Variants in RAB27B observed in about 807,000 individuals in gnomAD.
RAB27B encodes the protein ras-related protein Rab-27B.
A neutral mutation model predicts 24.6 loss-of-function variants in RAB27B; 15 were observed. The observed-to-expected ratio is 0.61, with a 90% confidence interval of 0.41 to 0.94. The LOEUF (loss-of-function observed/expected upper bound fraction) is 0.94, where lower values mean the gene tolerates loss of function less well. Ranked by LOEUF, RAB27B falls within the 40% of genes least tolerant of loss-of-function variation. RAB27B has a pLI of 0.00. For missense variants in RAB27B, 261 were observed against 266.8 expected (o/e 0.98, Z 0.15); for synonymous variants, 105 against 92.5 (o/e 1.14, Z -0.78).
rs1568118786 is a variant in RAB27B at position 54,889,784 on chromosome 18, C to G, written c.*371C>G. 6.3e-6 allele frequency: 1 copy of G among 157,632 alleles called. No homozygotes were observed. Among genetic ancestry groups the G allele is most frequent in the Non-Finnish European group, 1.4e-5 (1 of 71,796 alleles). The allele number at this position is 157,632 out of a possible 1,614,324, so 9.8% of individuals were successfully genotyped here. A position where few individuals can be genotyped will look rare whatever the true frequency, so the allele number is the denominator to read the frequency against. On this transcript the variant is annotated 3_prime_UTR_variant, in exon 6 of 6. Transcript: ENST00000262094. Reference sequence around the variant, plus strand: ...AAGGGTAGGCACTAAAGGGAGAACACAGAAAGAAGAATTTCTAAAATATTG... The same window carrying G: ...AAGGGTAGGCACTAAAGGGAGAACAGAGAAAGAAGAATTTCTAAAATATTG...
intron 2 of RAB27B, among the ~76,000 whole-genome samples, chr18:54,769,454 T>A (rs1426067703): frequency 2.3e-5 from 1 of 43,916 alleles, no homozygotes; most frequent in Non-Finnish European, 9.1e-5. Context: ...ATCTTGTTTT[T>A]TTGTTGTTGT....
At chr18:54,723,980 A>G (rs1392527616) in intron 2 of RAB27B, among the ~76,000 whole-genome samples, 1 of 152,204 alleles carries the variant, frequency 6.6e-6, no homozygotes. Context: ...CAACTGTTGG[A>G]TGGCGCCAGA....
chr18:54,859,493 A>G (rs544815848), intron 1 of RAB27B, among the ~76,000 whole-genome samples: 2 of 152,304 alleles, frequency 1.3e-5, no homozygotes, highest in Non-Finnish European at 2.9e-5. Context: ...AACCAAAAAA[A>G]AAAAAAAATC....
intron 1 of RAB27B, among the ~76,000 whole-genome samples, chr18:54,876,776 G>A (rs141994865): frequency 2.0e-5 from 3 of 152,206 alleles, no homozygotes; most frequent in African/African-American, 7.2e-5. Context: ...TTATCCCTCT[G>A]CTTTTTTATT....
At chr18:54,880,498 T>C (rs1309381261) in intron 3 of RAB27B, 2 of 152,196 alleles carry the variant, frequency 1.3e-5, no homozygotes, top group Non-Finnish European at 2.9e-5. Flanking sequence ...ATCTTTGAAA[T>C]GCATCCAAAG....
chr18:54,726,307 C>T lies in RAB27B; in HGVS notation c.-20+8166C>T, dbSNP rs75285699. On this transcript the variant is annotated intron_variant, in intron 2 of 4. Coordinates refer to the RAB27B transcript ENST00000586570. ...GGTGATACTGCCATTAAACTGATGA[C>T]GACAACATTAAGAAAAAGTGGTTGG... Among the ~76,000 whole-genome samples, 716 of 151,450 alleles carry T rather than the reference C, an allele frequency of 4.7e-3. 15 individuals carry two copies. The highest frequency in any genetic ancestry group is 0.016 in the African/African-American group (669 of 41,382).
rs149031259 is a variant in RAB27B, at chr18:54,884,384, A to G, written c.291A>G (p.Leu97=). ...TCAGAGACGCCATGGGCTTCTTATTAATGTTTGACCTCACCAGTCAACAGA... is the reference window on the plus strand; with the variant it reads ...TCAGAGACGCCATGGGCTTCTTATTGATGTTTGACCTCACCAGTCAACAGA... ...AFFRDAMGFL[L]MFDLTSQQSF... Residue 97 remains leucine, a synonymous_variant, in exon 4 of 6, where the codon TTA becomes TTG. Transcript: ENST00000262094. The G allele has an allele frequency of 1.1e-5, 18 of 1,612,856 alleles. No homozygotes were observed. Among genetic ancestry groups the G allele is most frequent in the Admixed American group, 3.3e-5 (2 of 59,972 alleles).
chr18:54,813,368 C>T (rs898836940), intron 2 of RAB27B, among the ~76,000 whole-genome samples: 1 of 152,202 alleles, frequency 6.6e-6, no homozygotes, highest in African/African-American at 2.4e-5. Context: ...TTGTCCCCTC[C>T]AAATCTCATG....
chr18:54,733,650 G>GCC (rs557873086), intron 2 of RAB27B, among the ~76,000 whole-genome samples: 24,283 of 91,518 alleles, frequency 0.27, 5,663 homozygotes, highest in East Asian at 0.39. Context: ...CTGTTCTAGA[G>GCC]CCCCCCCCCC....
At chr18:54,737,585 C>T (rs1228044923) in intron 2 of RAB27B, among the ~76,000 whole-genome samples, 1 of 152,074 alleles carries the variant, frequency 6.6e-6, no homozygotes, top group Non-Finnish European at 1.5e-5. Context: ...GCATCTTTCT[C>T]GAATGTGAGC....
At chr18:54,779,454 T>C (rs1314725589) in intron 2 of RAB27B, among the ~76,000 whole-genome samples, 1 of 151,856 alleles carries the variant, frequency 6.6e-6, no homozygotes, top group African/African-American at 2.4e-5. Flanking sequence ...TCGGAGGGAG[T>C]TGGACAAATC....
intron 1 of RAB27B, among the ~76,000 whole-genome samples, chr18:54,844,408 C>CTTTTTTTTTTTTTTTT (rs148747981): frequency 4.6e-5 from 5 of 107,880 alleles, no homozygotes; most frequent in East Asian, 2.7e-4. Flanking sequence ...CTTTTCTTTT[C>CTTTTTTTTTTTTTTTT]TTTTTTTTTT....
chr18:54,746,000 T>C (rs1206712609), intron 2 of RAB27B, among the ~76,000 whole-genome samples: 5 of 151,918 alleles, frequency 3.3e-5, no homozygotes, highest in African/African-American at 4.8e-5. Context: ...GATACAGATA[T>C]GCAGGATGCT....
upstream of RAB27B, among the ~76,000 whole-genome samples, chr18:54,823,504 A>G (rs1256645461): frequency 6.6e-6 from 1 of 152,214 alleles, no homozygotes; most frequent in East Asian, 1.9e-4. Context: ...ATGCTACTAA[A>G]GACAAGAGAG....
chr18:54,724,539 C>A (rs1909468706), intron 2 of RAB27B, among the ~76,000 whole-genome samples: 1 of 151,222 alleles, frequency 6.6e-6, no homozygotes, highest in Non-Finnish European at 1.5e-5. Flanking sequence ...GCCTGGCCAA[C>A]ATGGTGAAAC....
In RAB27B at chr18:54,786,699, AT is replaced by A. The variant is rs1909097995; in HGVS notation, c.-20+68561del. Among the ~76,000 whole-genome samples, 3 of 152,332 alleles carry A rather than the reference AT, an allele frequency of 2.0e-5. No individual in the cohort carries two copies. The South Asian group carries it at 6.2e-4, about 32-fold the overall frequency. On this transcript the variant is annotated intron_variant, in intron 2 of 4. Coordinates refer to the RAB27B transcript ENST00000586570. ...AATGTTAACATAATACATTTGAGAG[AT>A]TTAAAATCACTATGAAACCTAAATG...
At position 54,863,951 on chromosome 18, in the gene RAB27B, A is replaced by G. The variant is rs145988288; in HGVS notation, c.-19-13616A>G. 1.4e-3 allele frequency among the ~76,000 whole-genome samples: 220 copies of G among 152,342 alleles called. 1 individual carries two copies. The highest frequency in any genetic ancestry group is 5.0e-3 in the African/African-American group (209 of 41,578). On this transcript the variant is annotated intron_variant, in intron 1 of 5. Coordinates refer to ENST00000262094, the MANE Select transcript of RAB27B (RefSeq NM_004163.4). The stretch of plus-strand genomic sequence containing the variant: ...GGTTTGTTTATAATTTGGGGCTATT[A>G]TGAATAATGCTGCTATGAGCATTCA...
rs1022191833 is a variant in RAB27B at position 54,877,525 on chromosome 18, C to T, written c.-19-42C>T. ...ATTTTGATATAAAGCAAAGGAAAAT[C>T]AACTTTAATCAAAACATACTTGTTT... On this transcript the variant is annotated intron_variant, in intron 1 of 5. Coordinates refer to ENST00000262094, the MANE Select transcript of RAB27B (RefSeq NM_004163.4). 12 of 1,299,176 alleles carry T rather than the reference C, an allele frequency of 9.2e-6. No homozygotes were observed. In the South Asian group the frequency reaches 2.2e-4, roughly 23 times the overall value. The allele number at this position is 1,299,176 out of a possible 1,614,324, so 80.5% of individuals were successfully genotyped here.
intron 2 of RAB27B, among the ~76,000 whole-genome samples, chr18:54,748,617 G>T (rs2145027058): frequency 6.6e-6 from 1 of 152,272 alleles, no homozygotes; most frequent in South Asian, 2.1e-4. Context: ...AACCTGGGTT[G>T]AGGCACAAAT....
Sources: gnomAD v4.1 joint callset for allele counts (sites outside exome capture counted in the v4.1 genomes callset) on GRCh38, gnomAD v4.1.1 for gene constraint, MANE v1.5 for transcripts, NCBI Gene and HGNC (gene_info 2026-07-23, HGNC 2026-07-21) for gene names.